The following ANKRD35 variants were observed in gnomAD, a reference collection of about 807,000 sequenced individuals.
ANKRD35 encodes the protein ankyrin repeat domain-containing protein 35.
A neutral mutation model predicts 109.9 loss-of-function variants in ANKRD35; 102 were observed. The ratio of observed to expected loss-of-function variants is 0.93; its 90% CI spans 0.79 to 1.09. The LOEUF (loss-of-function observed/expected upper bound fraction) is 1.09, where lower values mean the gene tolerates loss of function less well. Ranked by LOEUF, ANKRD35 falls within the 50% of genes least tolerant of loss-of-function variation. The pLI, the probability that ANKRD35 is intolerant of heterozygous loss-of-function variation, is 0.00. For missense variants in ANKRD35, 1,240 were observed against 1,230.1 expected, an observed-to-expected ratio of 1.01 and a Z score of -0.12; for synonymous variants, 515 against 512.4, an observed-to-expected ratio of 1.01 and a Z score of -0.07.
rs894051950 is a variant in ANKRD35 at position 145,867,363 on chromosome 1, G to C, written c.2973C>G (p.Ile991Met). ...RGYMEHEVYN[I>M]LLQILSMEEE ...CTTCCATGCTAAGGATTTGCAGCAG[G>C]ATATTGTACACTTCATGTTCCATGT... is the stretch of plus-strand genomic sequence containing the variant. Residue 991 changes from isoleucine (I) to methionine (M), a missense_variant, in exon 13 of 14, where the codon ATC becomes ATG. By Grantham distance (10) the Ile-to-Met change is conservative. Transcript: ENST00000355594. 9 of 1,613,826 alleles carry C rather than the reference G, an allele frequency of 5.6e-6. No individual in the cohort carries two copies. The highest frequency in any genetic ancestry group is 6.8e-6 in the Non-Finnish European group (8 of 1,179,952).
In ANKRD35 at chr1:145,878,006, T is replaced by C; in HGVS notation, c.286A>G (p.Ile96Val). The C allele has an allele frequency of 6.2e-7, 1 of 1,614,048 alleles. No individual in the cohort carries two copies. The highest frequency in any genetic ancestry group is 8.5e-7 in the Non-Finnish European group (1 of 1,179,988). ...DGSTALHLAT[I>V]SCQPQCVKVL... is the part of the protein sequence containing the mutation. ...TTAACACACTGTGGCTGGCAGGAGA[T>C]GGTGGCCAAGTGTAGGGCAGTGCTT... Residue 96 changes from isoleucine (I) to valine (V), a missense_variant, in exon 4 of 14, where the codon ATC becomes GTC. Coordinates refer to ENST00000355594, the MANE Select transcript of ANKRD35 (RefSeq NM_144698.5).
chr1:145,876,859 T>C lies in ANKRD35; in HGVS notation c.339A>G (p.Glu113=). Reference sequence around the variant, plus strand: ...TACGGTTTTCTGCATCCACAGCATCTTCATTAGCACCATGCTGCAAATGGC... The same window carrying C: ...TACGGTTTTCTGCATCCACAGCATCCTCATTAGCACCATGCTGCAAATGGC... ...VKVLLQHGAN[E]DAVDAENRSP... is the part of the protein sequence containing the mutation. The change falls in exon 5 of 14, where the codon GAA becomes GAG. Residue 113 remains glutamate, a synonymous_variant. Transcript: ENST00000355594. 6.2e-7 allele frequency: 1 copy of C among 1,614,052 alleles called. No individual in the cohort carries two copies. The highest frequency in any genetic ancestry group is 8.5e-7 in the Non-Finnish European group (1 of 1,180,032).
rs1444015597 is a variant in ANKRD35 at position 145,873,435 on chromosome 1, G to C, written c.1334C>G (p.Thr445Ser). ...GCCAAAGGTCTGTGCCCCATTGGTA[G>C]TCAGTTGCTGTCCTGTGGCTTTCCT... Reference protein sequence around the residue: ...TIRKATGQQLTTNGAQTFGPD... With the variant: ...TIRKATGQQLSTNGAQTFGPD... The change falls in exon 10 of 14, where the codon ACT becomes AGT. Residue 445 changes from threonine (T) to serine (S), a missense_variant. Physicochemically the swap from Thr to Ser is moderately conservative, Grantham distance 58. Coordinates refer to ENST00000355594, the MANE Select transcript of ANKRD35 (RefSeq NM_144698.5). 1 of 1,613,930 alleles carries C rather than the reference G, an allele frequency of 6.2e-7. No homozygotes were observed. Among genetic ancestry groups the C allele is most frequent in the African/African-American group, 1.3e-5 (1 of 74,930 alleles).
rs1653948490 is a variant in ANKRD35 at position 145,873,767 on chromosome 1, C to T, written c.1002G>A (p.Glu334=). 6.2e-7 allele frequency: 1 copy of T among 1,612,070 alleles called. No homozygotes were observed. Among genetic ancestry groups the T allele is most frequent in the Admixed American group, 1.7e-5 (1 of 59,556 alleles). Reference sequence around the variant, plus strand: ...CCTGCGCCTGCTCTCGAATCTGGTTCTCAAGGTCCAGATAGGCTGCAGCTT... The same window carrying T: ...CCTGCGCCTGCTCTCGAATCTGGTTTTCAAGGTCCAGATAGGCTGCAGCTT... ...KTQAAAYLDL[E]NQIREQAQEL... is the part of the protein sequence containing the mutation. Residue 334 remains glutamate (E), a synonymous_variant, in exon 10 of 14, where the codon GAG becomes GAA. Coordinates refer to ENST00000355594, the MANE Select transcript of ANKRD35 (RefSeq NM_144698.5).
rs1553739796 is a variant in ANKRD35, at chr1:145,874,966, C to G, written c.601G>C (p.Val201Leu). The G allele has an allele frequency of 1.9e-6, 3 of 1,612,298 alleles. No individual in the cohort carries two copies. Among genetic ancestry groups the G allele is most frequent in the Non-Finnish European group, 8.5e-7 (1 of 1,179,256 alleles). ...CCGTGGCTCAGGAGCAGTTCAGCCA[C>G]CTCGGCACTGCCTTTCTCACAGGCC... ...ILACEKGSAE[V>L]AELLLSHGAD... The change falls in exon 8 of 14, where the codon GTG becomes CTG. Residue 201 changes from valine to leucine, a missense_variant. Physicochemically the swap from Val to Leu is conservative, Grantham distance 32. Transcript: ENST00000355594.
chr1:145,874,194 TA>T lies in ANKRD35; in HGVS notation c.746-3del. 1.9e-6 allele frequency: 3 copies of T among 1,613,952 alleles called. No individual in the cohort carries two copies. The highest frequency in any genetic ancestry group is 2.5e-6 in the Non-Finnish European group (3 of 1,179,866). ...CTGGGTGCTGGACTAGCCTCTGACC[TA>T]TAAGAAAAGATATGAGGAAAATGAG... is the stretch of plus-strand genomic sequence containing the variant. On this transcript the variant is annotated splice_region_variant and splice_polypyrimidine_tract_variant and intron_variant, in intron 8 of 13. Transcript: ENST00000355594.
chr1:145,881,949 C>CTTTTTT (rs782253954), intron 1 of ANKRD35, among the ~76,000 whole-genome samples: 23 of 104,636 alleles, frequency 2.2e-4, no homozygotes, highest in Non-Finnish European at 2.3e-4. Flanking sequence ...CTTTCCCCTT[C>CTTTTTT]TTTTTTTTTT....
In ANKRD35 at chr1:145,885,582, G is replaced by C. The variant is rs961034964; in HGVS notation, c.39+138C>G. 1.0e-4 allele frequency: 107 copies of C among 1,027,672 alleles called. 1 individual carries two copies. The highest frequency in any genetic ancestry group is 6.1e-4 in the Middle Eastern group (3 of 4,906). 63.7% of individuals were successfully genotyped at this position (1,027,672 alleles called of 1,614,324 possible). On this transcript the variant is annotated intron_variant, in intron 1 of 13. Transcript: ENST00000355594. ...GGGTCTTGAGGAAGGCAAAGCTGGC[G>C]GGCTTCCTTGCAAGACTAGAAGAGC...
At chr1:145,878,235 G>A (rs184746577) in intron 3 of ANKRD35, among the ~76,000 whole-genome samples, 156 bp downstream of exon 3, 45 of 152,262 alleles carry the variant, frequency 3.0e-4, no homozygotes, top group Admixed American at 3.3e-4. Flanking sequence ...CCCAGCTTAC[G>A]GGGAGGGGAA....
intron 1 of ANKRD35, among the ~76,000 whole-genome samples, chr1:145,885,123 G>A (rs1176349514): frequency 6.6e-6 from 1 of 152,204 alleles, no homozygotes; most frequent in Non-Finnish European, 1.5e-5. Flanking sequence ...TTGAGGAACA[G>A]CAGTGCTGGT....
chr1:145,877,292 G>A (rs901290803), intron 4 of ANKRD35, among the ~76,000 whole-genome samples: 7 of 151,288 alleles, frequency 4.6e-5, no homozygotes, highest in Admixed American at 2.0e-4. Flanking sequence ...GAGTGCAGTG[G>A]TGCGATCTTG....
chr1:145,868,162 A>G, intron 11 of ANKRD35, 106 bp from the exon 12 acceptor site: 1 of 1,461,994 alleles, frequency 6.8e-7, no homozygotes, highest in Non-Finnish European at 9.6e-7. Flanking sequence ...TCGTTGGCCC[A>G]TCACTGGCCC....
chr1:145,873,286 G>C lies in ANKRD35; in HGVS notation c.1483C>G (p.Leu495Val), dbSNP rs139918224. Residue 495 changes from leucine (L) to valine (V), a missense_variant, in exon 10 of 14, where the codon CTA becomes GTA. Physicochemically the swap from Leu to Val is conservative, Grantham distance 32. Transcript: ENST00000355594. Reference sequence around the variant, plus strand: ...CACACTGCAGCAAGCTCCTCCCTTAGTTGAAGCAGAAGCTGGTTCATGGCT... The same window carrying C: ...CACACTGCAGCAAGCTCCTCCCTTACTTGAAGCAGAAGCTGGTTCATGGCT... ...PAAMNQLLLQ[L>V]REELAAVWRE... 7.1e-5 allele frequency: 115 copies of C among 1,614,008 alleles called. No homozygotes were observed. Among genetic ancestry groups the C allele is most frequent in the Non-Finnish European group, 1.5e-5 (18 of 1,179,990 alleles).
rs587770190 is a variant in ANKRD35 at position 145,872,469 on chromosome 1, G to A, written c.2300C>T (p.Pro767Leu). 1.2e-6 allele frequency: 2 copies of A among 1,601,294 alleles called. No individual in the cohort carries two copies. The highest frequency in any genetic ancestry group is 2.7e-5 in the African/African-American group (2 of 74,842). ...TGCTGGGGCCTTTAAGGAGGTGCCT[G>A]GCTCCCTACACGGGGACAAGGACCC... ...LRGSLSPCRE[P>L]GTSLKAPASP... The change falls in exon 10 of 14, where the codon CCA becomes CTA. Residue 767 changes from proline to leucine, a missense_variant. Transcript: ENST00000355594.
In ANKRD35 at chr1:145,874,854, A is replaced by G; in HGVS notation, c.713T>C (p.Leu238Pro). ...CCGCCGCCGGCTCAGGGCCTGCTGT[A>G]GGTGCCTCCACAGTGCCTTGTCTTG... is the stretch of plus-strand genomic sequence containing the variant. The part of the protein sequence containing the change: ...HTQDKALWRH[L>P]QQALSRRRRG... Residue 238 changes from leucine to proline, a missense_variant, in exon 8 of 14, where the codon CTA (leucine) becomes CCA (proline). Coordinates refer to ENST00000355594, the MANE Select transcript of ANKRD35 (RefSeq NM_144698.5). 1 of 1,608,634 alleles carries G rather than the reference A, an allele frequency of 6.2e-7. No homozygotes were observed. The highest frequency in any genetic ancestry group is 1.1e-5 in the South Asian group (1 of 90,222).
intron 7 of ANKRD35, 82 bp downstream of exon 7, chr1:145,876,058 C>T (rs1419475462): frequency 6.8e-6 from 8 of 1,178,624 alleles, no homozygotes; most frequent in Non-Finnish European, 9.8e-6. Flanking sequence ...CACACAAACA[C>T]ACACACACAC....
intron 1 of ANKRD35, among the ~76,000 whole-genome samples, chr1:145,884,566 G>T (rs1654408523): frequency 6.6e-6 from 1 of 152,012 alleles, no homozygotes; most frequent in African/African-American, 2.4e-5. Flanking sequence ...CAAATAAGGG[G>T]GCTCTCTGTA....
At chr1:145,883,076 A>ATTTT (rs34686883) in intron 1 of ANKRD35, among the ~76,000 whole-genome samples, 15 of 83,424 alleles carry the variant, frequency 1.8e-4, no homozygotes, top group East Asian at 7.0e-4. Flanking sequence ...GACAGTACCA[A>ATTTT]TTTTTTTTTT....
chr1:145,884,950 C>A (rs1402586148), intron 1 of ANKRD35, among the ~76,000 whole-genome samples: 1 of 152,184 alleles, frequency 6.6e-6, no homozygotes, highest in Non-Finnish European at 1.5e-5. Flanking sequence ...CATCCTCTGG[C>A]AGTGCCTGTG....
Sources: gnomAD v4.1 joint callset for allele counts (sites outside exome capture counted in the v4.1 genomes callset) on GRCh38, gnomAD v4.1.1 for gene constraint, MANE v1.5 for transcripts, NCBI Gene and HGNC (gene_info 2026-07-23, HGNC 2026-07-21) for gene names.